GRXCR2: variants seen among roughly 807,000 people sequenced by gnomAD.
GRXCR2 encodes the protein glutaredoxin and cysteine rich domain containing 2, also known as glutaredoxin domain-containing cysteine-rich protein 2.
A neutral mutation model predicts 24.8 loss-of-function variants in GRXCR2; 23 were observed. The observed-to-expected ratio is 0.93, with a 90% CI of 0.67 to 1.32. The LOEUF is 1.32. GRXCR2 is among the 40% of genes most tolerant of loss of function. The pLI is 0.00. For missense variants in GRXCR2, 315 were observed against 303.4 expected (o/e 1.04, Z -0.28); for synonymous variants, 130 against 116.1 (o/e 1.12, Z -0.77).
chr5:145,881,505 C>G (rs1756700406), intron 2 of GRXCR2, among the ~76,000 whole-genome samples: 5 of 152,116 alleles, frequency 3.3e-5, no homozygotes, highest in Admixed American at 3.3e-4. Context: ...AACTACAAAC[C>G]ACTGCTCAAC....
At chr5:145,860,419 G>A (rs146167344) in intron 2 of GRXCR2, among the ~76,000 whole-genome samples, 56 of 152,186 alleles carry the variant, frequency 3.7e-4, no homozygotes, top group African/African-American at 1.3e-3. Context: ...TTTGCCAATG[G>A]TCACACACAC....
chr5:145,902,121 G>A (rs1757034078), intron 2 of GRXCR2, among the ~76,000 whole-genome samples: 1 of 151,888 alleles, frequency 6.6e-6, no homozygotes, highest in African/African-American at 2.4e-5. Context: ...AGAGAGATGG[G>A]GTCTTGCTCT....
intron 1 of GRXCR2, among the ~76,000 whole-genome samples, chr5:145,872,115 C>T (rs965895021): frequency 6.6e-6 from 1 of 152,194 alleles, no homozygotes. Context: ...AGGACTCCAA[C>T]TACCCAGAGC....
intron 2 of GRXCR2, among the ~76,000 whole-genome samples, chr5:145,861,842 G>A (rs1027994313): frequency 4.6e-5 from 7 of 152,222 alleles, no homozygotes; most frequent in Non-Finnish European, 7.4e-5. Flanking sequence ...GGAGGCATAC[G>A]TTTTGAAAAT....
intron 2 of GRXCR2, among the ~76,000 whole-genome samples, chr5:145,920,002 G>A (rs963310971): frequency 9.2e-5 from 14 of 152,206 alleles, no homozygotes; most frequent in Non-Finnish European, 2.1e-4. Flanking sequence ...CCTGTACTTG[G>A]GTCACTTGGA....
chr5:145,899,230 T>C (rs559533598), intron 2 of GRXCR2, among the ~76,000 whole-genome samples: 1 of 151,822 alleles, frequency 6.6e-6, no homozygotes, highest in African/African-American at 2.4e-5. Flanking sequence ...CAAAAAGAAC[T>C]AAAAACACTG....
downstream of GRXCR2, among the ~76,000 whole-genome samples, chr5:145,857,922 G>A (rs1756264976): frequency 6.6e-6 from 1 of 152,184 alleles, no homozygotes; most frequent in African/African-American, 2.4e-5. Flanking sequence ...CCAAAGGGAT[G>A]ATGCCTCTCT....
chr5:145,884,596 A>C (rs1034067766), intron 2 of GRXCR2, among the ~76,000 whole-genome samples: 6 of 151,886 alleles, frequency 4.0e-5, no homozygotes, highest in Admixed American at 2.6e-4. Flanking sequence ...CTATATAATA[A>C]GGTATGCATA....
intron 2 of GRXCR2, among the ~76,000 whole-genome samples, chr5:145,882,089 C>A (rs1756710839): frequency 6.6e-6 from 1 of 152,150 alleles, no homozygotes; most frequent in Non-Finnish European, 1.5e-5. Context: ...CCAGGCAATA[C>A]CATTCAGGAC....
intron 2 of GRXCR2, among the ~76,000 whole-genome samples, chr5:145,911,171 A>C (rs1227542738): frequency 6.6e-6 from 1 of 152,236 alleles, no homozygotes; most frequent in Non-Finnish European, 1.5e-5. Context: ...ATTAATGAAC[A>C]CATCTATCAG....
intron 2 of GRXCR2, among the ~76,000 whole-genome samples, chr5:145,900,106 T>C (rs566997726): frequency 1.4e-4 from 22 of 152,012 alleles, no homozygotes; most frequent in African/African-American, 5.3e-4. Flanking sequence ...ATTGATATGG[T>C]TTGGGTTTGT....
At chr5:145,868,136 T>C (rs1342450877) in intron 1 of GRXCR2, among the ~76,000 whole-genome samples, 1 of 152,178 alleles carries the variant, frequency 6.6e-6, no homozygotes. Context: ...AATAGTGTTT[T>C]TATTTTATAT....
intron 2 of GRXCR2, among the ~76,000 whole-genome samples, chr5:145,896,420 T>A (rs1393580157): frequency 6.6e-6 from 1 of 151,670 alleles, no homozygotes; most frequent in Non-Finnish European, 1.5e-5. Context: ...TACAATGAAC[T>A]CAAAAAAATG....
At chr5:145,921,057 T>C (rs554869031) in intron 2 of GRXCR2, among the ~76,000 whole-genome samples, 1 of 152,362 alleles carries the variant, frequency 6.6e-6, no homozygotes, top group Admixed American at 6.5e-5. Context: ...GGATTTGTTA[T>C]AGCATCCCAA....
At chr5:145,914,230 G>A (rs1384518017) in intron 2 of GRXCR2, among the ~76,000 whole-genome samples, 1 of 152,098 alleles carries the variant, frequency 6.6e-6, no homozygotes, top group Non-Finnish European at 1.5e-5. Context: ...AACTTCAGTT[G>A]TGTCTACACT....
chr5:145,906,409 T>C (rs1318081405), intron 2 of GRXCR2, among the ~76,000 whole-genome samples: 1 of 151,950 alleles, frequency 6.6e-6, no homozygotes, highest in African/African-American at 2.4e-5. Flanking sequence ...ATAGCATGTA[T>C]GTCTGAAGTT....
At chr5:145,900,899 A>C (rs1198596192) in intron 2 of GRXCR2, among the ~76,000 whole-genome samples, 1 of 152,194 alleles carries the variant, frequency 6.6e-6, no homozygotes, top group Non-Finnish European at 1.5e-5. Context: ...CTAGGTGCCC[A>C]TCAGTGGTGG....
rs755755532 is a variant in GRXCR2 at position 145,859,729 on chromosome 5, C to T, written c.*4G>A. 1.5e-5 allele frequency: 25 copies of T among 1,613,598 alleles called. No homozygotes were observed. Among genetic ancestry groups the T allele is most frequent in the Admixed American group, 3.3e-5 (2 of 59,984 alleles). ...GATAACAGTGGACATGCAAAAGCCACGGGCTATTGATTGCAAATCTGGCAA... is the reference window on the plus strand; with the variant it reads ...GATAACAGTGGACATGCAAAAGCCATGGGCTATTGATTGCAAATCTGGCAA... On this transcript the variant is annotated 3_prime_UTR_variant, in exon 3 of 3. Transcript: ENST00000377976.
chr5:145,909,530 C>A (rs906594592), intron 2 of GRXCR2, among the ~76,000 whole-genome samples: 2 of 152,192 alleles, frequency 1.3e-5, no homozygotes, highest in Non-Finnish European at 2.9e-5. Flanking sequence ...TCTATTGCCC[C>A]CCTCAGTGTA....
Sources: allele counts gnomAD v4.1 joint callset (sites outside exome capture counted in the v4.1 genomes callset), GRCh38; gene constraint gnomAD v4.1.1; transcripts MANE v1.5; gene names NCBI Gene and HGNC (gene_info 2026-07-23, HGNC 2026-07-21).